TMIE: variants seen among roughly 807,000 people sequenced by gnomAD.
TMIE encodes transmembrane inner ear, also known as transmembrane inner ear expressed protein.
Under a neutral mutation model 16.8 loss-of-function variants are expected in TMIE, and 14 were observed. That is an observed-to-expected ratio of 0.83 (90% confidence interval 0.55 to 1.30). TMIE has a LOEUF of 1.30. Among genes scored for constraint, TMIE ranks in the 50% most tolerant of loss-of-function variants. The probability of loss-of-function intolerance (pLI) is 0.00; values close to 1 mark genes in which losing one functional copy is unlikely to be tolerated. For synonymous variants in TMIE, 75 were observed against 87.2 expected, an observed-to-expected ratio of 0.86 and a Z score of 0.78; for missense variants, 204 against 205.9, an observed-to-expected ratio of 0.99 and a Z score of 0.06.
chr3:46,701,280 C>T (rs560236353), upstream of TMIE: 453 of 445,468 alleles, frequency 1.0e-3, 1 homozygote, highest in African/African-American at 8.5e-3. This position sits in a 1 kb window ranked among gnomAD's most constrained non-coding sequence, Gnocchi z 4.3. Flanking sequence ...GCCTGCGGCC[C>T]GATCTCCCGG....
Position 46,701,591 on chromosome 3 carries a change from G to T in TMIE, c.93+11G>T. The T allele has an allele frequency of 7.8e-7, 1 of 1,284,094 alleles. No individual in the cohort carries two copies. Among genetic ancestry groups the T allele is most frequent in the East Asian group, 3.1e-5 (1 of 31,832 alleles). The allele number at this position is 1,284,094 out of a possible 1,614,324, so 79.5% of individuals were successfully genotyped here. A position where few individuals can be genotyped will look rare whatever the true frequency, so the allele number is the denominator to read the frequency against. ...GGGCAGCTGGTGGAGGTGAGGCCGCGGCACGGAGGGACTGGGGAGGCTGTC... is the reference window on the plus strand; with the variant it reads ...GGGCAGCTGGTGGAGGTGAGGCCGCTGCACGGAGGGACTGGGGAGGCTGTC... On this transcript the variant is annotated intron_variant, in intron 1 of 3. Transcript: ENST00000643606. This position sits in a 1 kb window ranked among gnomAD's most constrained non-coding sequence, Gnocchi z 4.3.
rs1575470950 is a variant in TMIE at position 46,710,215 on chromosome 3, T to C, written c.*527T>C. 2 of 206,234 alleles carry C rather than the reference T, an allele frequency of 9.7e-6. No individual in the cohort carries two copies. The highest frequency in any genetic ancestry group is 2.0e-5 in the Non-Finnish European group (2 of 100,330). The allele number at this position is 206,234 out of a possible 1,614,324, so 12.8% of individuals were successfully genotyped here. A position where few individuals can be genotyped will look rare whatever the true frequency, so the allele number is the denominator to read the frequency against. The stretch of plus-strand genomic sequence containing the variant: ...GAGGAGCCCCAGTGGTGAGAAGACT[T>C]CCCCAAGCCTGGCAGGGGATCCAGC... On this transcript the variant is annotated 3_prime_UTR_variant, in exon 4 of 4. Coordinates refer to ENST00000643606, the MANE Select transcript of TMIE (RefSeq NM_147196.3).
chr3:46,695,260 A>C (rs939722537), intron 1 of TMIE, among the ~76,000 whole-genome samples: 15 of 152,142 alleles, frequency 9.9e-5, no homozygotes, highest in Non-Finnish European at 7.4e-5. Context: ...CCCTGTGGGG[A>C]TCCTTTGTGC....
At chr3:46,703,017 T>C (rs980045505) in intron 1 of TMIE, among the ~76,000 whole-genome samples, 4 of 152,216 alleles carry the variant, frequency 2.6e-5, no homozygotes, top group Non-Finnish European at 4.4e-5. Flanking sequence ...GAACTCATCT[T>C]TTCCCAGTTC....
At chr3:46,707,578 C>T (rs929644777) in intron 2 of TMIE, among the ~76,000 whole-genome samples, 1 of 152,162 alleles carries the variant, frequency 6.6e-6, no homozygotes, top group African/African-American at 2.4e-5. Context: ...AGATGGGGTG[C>T]CCCTGGAGGT....
intron 1 of TMIE, among the ~76,000 whole-genome samples, chr3:46,703,712 G>T (rs1161050434): frequency 1.3e-5 from 2 of 152,184 alleles, no homozygotes; most frequent in Non-Finnish European, 2.9e-5. Flanking sequence ...TGGGTTACCT[G>T]GGACAGGTTG....
At chr3:46,695,414 C>G (rs532268175) in intron 1 of TMIE, among the ~76,000 whole-genome samples, 1 of 152,162 alleles carries the variant, frequency 6.6e-6, no homozygotes, top group African/African-American at 2.4e-5. Context: ...TTACCTGCGC[C>G]TCCTTCTCGG....
rs972382654 is a variant in TMIE, at chr3:46,709,960, G to A, written c.*272G>A. On this transcript the variant is annotated 3_prime_UTR_variant, in exon 4 of 4. Transcript: ENST00000643606. ...GGTCTGGTGCCACCGTCCCTCTGCA[G>A]ATACACTGCTCTCCCCACCCAGACC... 138 of 520,014 alleles carry A rather than the reference G, an allele frequency of 2.7e-4. 1 individual carries two copies. The highest frequency in any genetic ancestry group is 9.2e-4 in the South Asian group (46 of 49,956). 32.2% of individuals were successfully genotyped at this position (520,014 alleles called of 1,614,324 possible).
At chr3:46,703,784 G>A (rs978762877) in intron 1 of TMIE, among the ~76,000 whole-genome samples, 5 of 152,174 alleles carry the variant, frequency 3.3e-5, no homozygotes, top group Non-Finnish European at 5.9e-5. Context: ...ATGAAGAAGC[G>A]CCTGGCTCAT....
intron 1 of TMIE, among the ~76,000 whole-genome samples, chr3:46,696,157 C>G (rs1575466302): frequency 3.3e-5 from 5 of 152,182 alleles, no homozygotes; most frequent in Non-Finnish European, 7.3e-5. Flanking sequence ...CCACATGGAC[C>G]CATCTACCAT....
upstream of TMIE, among the ~76,000 whole-genome samples, chr3:46,699,649 G>T (rs1700447069): frequency 1.3e-5 from 2 of 152,212 alleles, no homozygotes; most frequent in South Asian, 4.1e-4. Context: ...CAGAGCAGTG[G>T]CCATCTCAGG....
intron 1 of TMIE, among the ~76,000 whole-genome samples, chr3:46,703,616 G>C (rs547807595): frequency 6.6e-6 from 1 of 152,292 alleles, no homozygotes; most frequent in African/African-American, 2.4e-5. Context: ...AAAGTACTGA[G>C]GAATGGTGTC....
rs779737063 is a variant in TMIE at position 46,709,717 on chromosome 3, G to T, written c.*29G>T. 12 of 1,613,376 alleles carry T rather than the reference G, an allele frequency of 7.4e-6. No individual in the cohort carries two copies. The East Asian group carries it at 2.7e-4, about 36-fold the overall frequency. ...CATCCTGGGCAGCTTGGGCTGGCGG[G>T]CCCTGGAGCTCAAGCCGTGGCCGGG... On this transcript the variant is annotated 3_prime_UTR_variant, in exon 4 of 4. Coordinates refer to ENST00000643606, the MANE Select transcript of TMIE (RefSeq NM_147196.3).
In TMIE at chr3:46,709,718, C is replaced by T. The variant is rs751507620; in HGVS notation, c.*30C>T. The T allele has an allele frequency of 3.7e-6, 6 of 1,613,300 alleles. No homozygotes were observed. The highest frequency in any genetic ancestry group is 3.3e-5 in the Admixed American group (2 of 59,956). On this transcript the variant is annotated 3_prime_UTR_variant, in exon 4 of 4. Coordinates refer to ENST00000643606, the MANE Select transcript of TMIE (RefSeq NM_147196.3). The stretch of plus-strand genomic sequence containing the variant: ...ATCCTGGGCAGCTTGGGCTGGCGGG[C>T]CCTGGAGCTCAAGCCGTGGCCGGGG...
Position 46,709,828 on chromosome 3 carries a change from C to T in TMIE, c.*140C>T. The T allele has an allele frequency of 3.3e-6, 5 of 1,516,786 alleles. No homozygotes were observed. The highest frequency in any genetic ancestry group is 4.5e-6 in the Non-Finnish European group (5 of 1,118,716). The allele number at this position is 1,516,786 out of a possible 1,614,324, so 94.0% of individuals were successfully genotyped here. A position where few individuals can be genotyped will look rare whatever the true frequency, so the allele number is the denominator to read the frequency against. Reference sequence around the variant, plus strand: ...AAGCTGAGGCCCATGGCCACATCCTCATGGCCCATCAGGGGCAGGAACCAG... The same window carrying T: ...AAGCTGAGGCCCATGGCCACATCCTTATGGCCCATCAGGGGCAGGAACCAG... On this transcript the variant is annotated 3_prime_UTR_variant, in exon 4 of 4. Coordinates refer to ENST00000643606, the MANE Select transcript of TMIE (RefSeq NM_147196.3).
At chr3:46,695,906 G>C (rs1700407778) in intron 1 of TMIE, among the ~76,000 whole-genome samples, 1 of 152,142 alleles carries the variant, frequency 6.6e-6, no homozygotes, top group African/African-American at 2.4e-5. Context: ...TTTCCTATCT[G>C]CTAAATGGGG....
rs772490136 is a variant in TMIE at position 46,705,778 on chromosome 3, C to A, written c.94-12C>A. ...CTCTGCCTAACTCACTCCCCTCTCTCCTGACCCACAGCCCAGCACGGCCCC... is the reference window on the plus strand; with the variant it reads ...CTCTGCCTAACTCACTCCCCTCTCTACTGACCCACAGCCCAGCACGGCCCC... On this transcript the variant is annotated splice_polypyrimidine_tract_variant and intron_variant, in intron 1 of 3. Coordinates refer to ENST00000643606, the MANE Select transcript of TMIE (RefSeq NM_147196.3). The A allele has an allele frequency of 6.2e-7, 1 of 1,613,238 alleles. No individual in the cohort carries two copies. The highest frequency in any genetic ancestry group is 1.3e-5 in the African/African-American group (1 of 74,920).
At chr3:46,699,419 A>G (rs1166662719), upstream of TMIE, among the ~76,000 whole-genome samples, 1 of 152,158 alleles carries the variant, frequency 6.6e-6, no homozygotes, top group Non-Finnish European at 1.5e-5. Context: ...GAGGTTATTA[A>G]AGCTTACAAC....
At chr3:46,696,905 G>A (rs536416434), upstream of TMIE, among the ~76,000 whole-genome samples, 2 of 152,266 alleles carry the variant, frequency 1.3e-5, no homozygotes, top group Admixed American at 1.3e-4. Context: ...CCCAACCCCA[G>A]ATATGATGGG....
Sources: gnomAD v4.1 joint callset for allele counts (sites outside exome capture counted in the v4.1 genomes callset) on GRCh38, gnomAD v4.1.1 for gene constraint, Gnocchi (gnomAD v3.1) non-coding constraint, MANE v1.5 for transcripts, NCBI Gene and HGNC (gene_info 2026-07-23, HGNC 2026-07-21) for gene names.